MAF: variants seen among roughly 807,000 people sequenced by gnomAD.
MAF encodes transcription factor Maf.
MAF carries 10 observed loss-of-function variants against 22.0 expected under a neutral mutation model. The observed-to-expected ratio is 0.45, with a 90% CI of 0.28 to 0.77. The LOEUF is 0.77. MAF is among the 30% of genes least tolerant of loss of function. The pLI, the probability that MAF is intolerant of heterozygous loss-of-function variation, is 0.12. For missense variants in MAF, 544 were observed against 548.4 expected, an observed-to-expected ratio of 0.99 and a Z score of 0.08; for synonymous variants, 337 against 255.8, an observed-to-expected ratio of 1.32 and a Z score of -3.03.
the MAF span, among the ~76,000 whole-genome samples, chr16:79,359,225 T>C: frequency 1.3e-5 from 2 of 152,184 alleles, no homozygotes; most frequent in South Asian, 2.1e-4. Flanking sequence ...TCACTTTCTT[T>C]CCTAAACCAG....
chr16:79,475,038 T>C, the MAF span, among the ~76,000 whole-genome samples: 3 of 152,236 alleles, frequency 2.0e-5, no homozygotes, highest in Non-Finnish European at 4.4e-5. Flanking sequence ...AGTAAGGCAG[T>C]GCACACATGG....
chr16:79,595,181 C>T (rs762730158), intron 1 of MAF: 8 of 1,039,964 alleles, frequency 7.7e-6, no homozygotes, highest in Admixed American at 5.6e-5. Context: ...ACTTCAAGCT[C>T]ATGAGGGGAG....
At chr16:79,229,850 G>A in the MAF span, among the ~76,000 whole-genome samples, 1 of 152,066 alleles carries the variant, frequency 6.6e-6, no homozygotes, top group African/African-American at 2.4e-5. Flanking sequence ...CTCGTAGAAT[G>A]ACCTGATTTC....
the MAF span, among the ~76,000 whole-genome samples, chr16:79,316,549 T>G: frequency 6.6e-6 from 1 of 152,208 alleles, no homozygotes; most frequent in Non-Finnish European, 1.5e-5. Flanking sequence ...TAAAGCATCT[T>G]TTTTTTCAGC....
the MAF span, among the ~76,000 whole-genome samples, chr16:79,461,772 C>T: frequency 6.6e-6 from 1 of 152,124 alleles, no homozygotes; most frequent in African/African-American, 2.4e-5. Context: ...GAAAACAGTC[C>T]AGGAAAATGG....
At chr16:79,252,332 G>C in the MAF span, among the ~76,000 whole-genome samples, 8 of 138,844 alleles carry the variant, frequency 5.8e-5, no homozygotes, top group Admixed American at 5.7e-4. Flanking sequence ...ACACAAATTG[G>C]AATTTCATAT....
chr16:79,532,044 A>G, the MAF span, among the ~76,000 whole-genome samples: 8 of 152,308 alleles, frequency 5.3e-5, no homozygotes, highest in African/African-American at 9.6e-5. Context: ...CAGATAACCA[A>G]TAAGAATTGT....
At chr16:79,400,776 G>A in the MAF span, among the ~76,000 whole-genome samples, 115 of 152,342 alleles carry the variant, frequency 7.5e-4, no homozygotes, top group Admixed American at 2.5e-3. Flanking sequence ...CCCAAGTTTT[G>A]GCCTTGGCCA....
chr16:79,358,353 G>A, the MAF span, among the ~76,000 whole-genome samples: 1 of 152,134 alleles, frequency 6.6e-6, no homozygotes, highest in East Asian at 1.9e-4. Context: ...TGACCTCCAA[G>A]GGATGAGAAC....
chr16:79,399,325 AATT>A, the MAF span, among the ~76,000 whole-genome samples: 2 of 152,168 alleles, frequency 1.3e-5, no homozygotes, highest in African/African-American at 4.8e-5. Flanking sequence ...TTAAGTGCTC[AATT>A]ATTATTATAT....
At chr16:79,453,686 G>T in the MAF span, among the ~76,000 whole-genome samples, 9 of 152,092 alleles carry the variant, frequency 5.9e-5, no homozygotes, top group Admixed American at 5.9e-4. Context: ...TGGATAGGTC[G>T]GTCACAAGTG....
At chr16:79,401,555 A>G in the MAF span, among the ~76,000 whole-genome samples, 1 of 152,212 alleles carries the variant, frequency 6.6e-6, no homozygotes, top group Non-Finnish European at 1.5e-5. Context: ...TCTACAAAAT[A>G]AGCCAGTCTG....
At chr16:79,544,616 T>C in the MAF span, among the ~76,000 whole-genome samples, 1 of 151,470 alleles carries the variant, frequency 6.6e-6, no homozygotes, top group African/African-American at 2.4e-5. Flanking sequence ...CTACTAAAAA[T>C]ACAAAAAATT....
chr16:79,209,330 A>T, the MAF span, among the ~76,000 whole-genome samples: 2 of 152,362 alleles, frequency 1.3e-5, no homozygotes, highest in Admixed American at 1.3e-4. Context: ...CAGTAATGCA[A>T]GAGTGCAACG....
the MAF span, among the ~76,000 whole-genome samples, chr16:79,207,372 C>G: frequency 2.0e-5 from 3 of 152,364 alleles, no homozygotes; most frequent in Non-Finnish European, 4.4e-5. Flanking sequence ...CAGATCACCA[C>G]TTTGTCCTGG....
At chr16:79,254,290 T>C in the MAF span, among the ~76,000 whole-genome samples, 1 of 152,186 alleles carries the variant, frequency 6.6e-6, no homozygotes, top group Non-Finnish European at 1.5e-5. Context: ...TATGTAGTAG[T>C]GTATGCTGAT....
the MAF span, among the ~76,000 whole-genome samples, chr16:79,408,078 C>CCA: frequency 1.2e-5 from 1 of 81,556 alleles, no homozygotes; most frequent in African/African-American, 5.0e-5. Context: ...TTTTACCTTT[C>CCA]AAAAAAAAAA....
the MAF span, among the ~76,000 whole-genome samples, chr16:79,318,316 T>A: frequency 6.6e-6 from 1 of 152,182 alleles, no homozygotes; most frequent in Admixed American, 6.5e-5. Context: ...AAGGAGCAAC[T>A]TGGATTGCCC....
chr16:79,250,461 G>A, the MAF span, among the ~76,000 whole-genome samples: 2 of 152,220 alleles, frequency 1.3e-5, no homozygotes, highest in African/African-American at 4.8e-5. Flanking sequence ...TTGCCAGAAT[G>A]AGAGGATTTG....
Sources: gnomAD v4.1 joint callset for allele counts (sites outside exome capture counted in the v4.1 genomes callset) on GRCh38, gnomAD v4.1.1 for gene constraint, MANE v1.5 for transcripts, NCBI Gene and HGNC (gene_info 2026-07-23, HGNC 2026-07-21) for gene names.